CSMD1: variants seen among roughly 807,000 people sequenced by gnomAD.
CSMD1 encodes the protein CUB and sushi domain-containing protein 1.
A neutral mutation model predicts 417.5 loss-of-function variants in CSMD1; 213 were observed. The observed-to-expected ratio is 0.51, with a 90% confidence interval of 0.46 to 0.57. The LOEUF is 0.57. Ranked by LOEUF, CSMD1 falls within the 20% of genes least tolerant of loss-of-function variation. The pLI is 0.00. For missense variants in CSMD1, 6,923 were observed against 4,529.7 expected (o/e 1.53, Z -15.17); for synonymous variants, 2,862 against 1,736.8 (o/e 1.65, Z -16.11).
At chr8:4,340,446 T>C (rs566737894) in intron 3 of CSMD1, among the ~76,000 whole-genome samples, 1 of 152,228 alleles carries the variant, frequency 6.6e-6, no homozygotes, top group East Asian at 1.9e-4. Flanking sequence ...TGCGCATTCC[T>C]TGAAGGAATT....
chr8:3,199,166 A>G (rs1184492084), intron 33 of CSMD1, among the ~76,000 whole-genome samples: 1 of 152,240 alleles, frequency 6.6e-6, no homozygotes, highest in African/African-American at 2.4e-5. Flanking sequence ...TTAAATTAAA[A>G]GATAAGTATA....
At chr8:3,861,678 G>A (rs1214315924) in intron 5 of CSMD1, among the ~76,000 whole-genome samples, 1 of 152,204 alleles carries the variant, frequency 6.6e-6, no homozygotes, top group Non-Finnish European at 1.5e-5. Context: ...GAGGTCCAGA[G>A]AATAGGGTTT....
At chr8:4,214,907 C>T (rs1800543029) in intron 3 of CSMD1, among the ~76,000 whole-genome samples, 2 of 151,926 alleles carry the variant, frequency 1.3e-5, no homozygotes, top group South Asian at 2.1e-4. Flanking sequence ...AGTTTTACAA[C>T]TTGTTTTTGT....
intron 5 of CSMD1, among the ~76,000 whole-genome samples, chr8:3,955,024 C>T (rs565382423): frequency 8.5e-5 from 13 of 152,300 alleles, no homozygotes; most frequent in Admixed American, 2.6e-4. Flanking sequence ...CTCTCCTTTG[C>T]ACTGCTAATT....
chr8:3,408,801 A>T (rs542354069), intron 13 of CSMD1, among the ~76,000 whole-genome samples: 1 of 152,076 alleles, frequency 6.6e-6, no homozygotes, highest in African/African-American at 2.4e-5. Flanking sequence ...CATATATATT[A>T]TATAAATAAT....
intron 2 of CSMD1, among the ~76,000 whole-genome samples, chr8:4,425,470 G>A (rs139707180): frequency 1.3e-5 from 2 of 151,950 alleles, no homozygotes; most frequent in African/African-American, 2.4e-5. Context: ...GCTTTCAAGA[G>A]CTAAATTTGT....
chr8:4,202,213 T>A (rs1406700487), intron 3 of CSMD1, among the ~76,000 whole-genome samples: 2 of 152,322 alleles, frequency 1.3e-5, no homozygotes, highest in South Asian at 2.1e-4. Flanking sequence ...CAAAATGAGA[T>A]GTGACTATTT....
rs538306367 is a variant in CSMD1, at chr8:3,487,415, A to T, written c.1448+6208T>A. Among the ~76,000 whole-genome samples, 7 of 152,172 alleles carry T rather than the reference A, an allele frequency of 4.6e-5. No individual in the cohort carries two copies. The South Asian group carries it at 1.5e-3, about 32-fold the overall frequency. On this transcript the variant is annotated intron_variant, in intron 11 of 69. Coordinates refer to ENST00000635120, the MANE Select transcript of CSMD1 (RefSeq NM_033225.6). ...ACAGGGTTTCACCATGTTAGCCAGG[A>T]TGGTCTCGTTCTCCTGACCTCGTGA...
At chr8:4,964,029 CTTA>C (rs146355046) in intron 1 of CSMD1, among the ~76,000 whole-genome samples, 3,373 of 152,162 alleles carry the variant, frequency 0.022, 111 homozygotes, top group African/African-American at 0.075. Context: ...TATAAAATTT[CTTA>C]TTATCTTGAT....
intron 17 of CSMD1, among the ~76,000 whole-genome samples, chr8:3,395,751 G>C (rs1034760290): frequency 6.6e-6 from 1 of 152,092 alleles, no homozygotes; most frequent in African/African-American, 2.4e-5. Context: ...CCAGTGAAAC[G>C]TGTCTATCTA....
chr8:4,427,858 G>A (rs929220379), intron 2 of CSMD1, among the ~76,000 whole-genome samples: 3 of 152,072 alleles, frequency 2.0e-5, no homozygotes, highest in Non-Finnish European at 2.9e-5. Context: ...AAACCCTGTT[G>A]AATTTTAAAG....
intron 4 of CSMD1, among the ~76,000 whole-genome samples, chr8:4,009,192 G>C (rs916287184): frequency 2.6e-5 from 4 of 152,050 alleles, no homozygotes; most frequent in African/African-American, 4.8e-5. Flanking sequence ...CTGTAGGTTG[G>C]GAAAATAATT....
At chr8:2,952,249 C>T (rs1802686807) in intron 65 of CSMD1, among the ~76,000 whole-genome samples, 1 of 152,120 alleles carries the variant, frequency 6.6e-6, no homozygotes, top group Non-Finnish European at 1.5e-5. Context: ...GCTTGAGTTG[C>T]TAGGTGGAAA....
At chr8:4,850,817 C>T (rs193212662) in intron 1 of CSMD1, among the ~76,000 whole-genome samples, 62 of 152,222 alleles carry the variant, frequency 4.1e-4, no homozygotes, top group African/African-American at 1.4e-3. Context: ...CTCAAAAATT[C>T]AACCAGTGGC....
chr8:4,574,730 AC>A, intron 2 of CSMD1, among the ~76,000 whole-genome samples: 1 of 152,360 alleles, frequency 6.6e-6, no homozygotes, highest in South Asian at 2.1e-4. Context: ...AACCATAGAC[AC>A]ACACCTTTAT....
intron 1 of CSMD1, among the ~76,000 whole-genome samples, chr8:4,801,497 G>A (rs945602012): frequency 8.6e-5 from 13 of 152,016 alleles, no homozygotes; most frequent in Non-Finnish European, 1.3e-4. Context: ...AGGGGCGCAA[G>A]TACTTAATGT....
At chr8:3,326,598 A>T (rs1199640845) in intron 23 of CSMD1, among the ~76,000 whole-genome samples, 1 of 152,204 alleles carries the variant, frequency 6.6e-6, no homozygotes, top group Non-Finnish European at 1.5e-5. Flanking sequence ...AAACTTTCTA[A>T]CGTAAACCAG....
At chr8:3,547,167 T>G (rs1408274175) in intron 10 of CSMD1, among the ~76,000 whole-genome samples, 1 of 152,180 alleles carries the variant, frequency 6.6e-6, no homozygotes. Flanking sequence ...TTGGCAAAGA[T>G]GAATACCTTG....
chr8:3,462,782 A>G (rs74899526), intron 12 of CSMD1, among the ~76,000 whole-genome samples: 2,050 of 151,292 alleles, frequency 0.014, 49 homozygotes, highest in African/African-American at 0.047. Flanking sequence ...CCTTGTGCCA[A>G]AAAGGCTGGG....
Sources: allele counts gnomAD v4.1 joint callset (sites outside exome capture counted in the v4.1 genomes callset), GRCh38; gene constraint gnomAD v4.1.1; transcripts MANE v1.5; gene names NCBI Gene and HGNC (gene_info 2026-07-23, HGNC 2026-07-21).